The following SUFU variants were observed in gnomAD, a reference collection of about 807,000 sequenced individuals.
The protein encoded by SUFU is suppressor of fused homolog.
In SUFU, 7 loss-of-function variants were observed where a neutral mutation model predicts 58.9. That is an observed-to-expected ratio of 0.12 (90% CI 0.07 to 0.22). The LOEUF is 0.22. SUFU is among the 10% of genes least tolerant of loss of function. SUFU has a pLI of 1.00. For synonymous variants in SUFU, 232 were observed against 254.8 expected, an observed-to-expected ratio of 0.91 and a Z score of 0.85; for missense variants, 451 against 641.3, an observed-to-expected ratio of 0.70 and a Z score of 3.20.
At chr10:102,604,368 C>G (rs540987908) in intron 8 of SUFU, among the ~76,000 whole-genome samples, 1 of 152,230 alleles carries the variant, frequency 6.6e-6, no homozygotes, top group Non-Finnish European at 1.5e-5. Context: ...AGGGGCTCCA[C>G]AGCAAGTCTG....
intron 3 of SUFU, among the ~76,000 whole-genome samples, chr10:102,586,640 T>C (rs1034234763): frequency 7.2e-5 from 11 of 152,198 alleles, no homozygotes; most frequent in African/African-American, 2.7e-4. Context: ...GCCACCGCAC[T>C]CTAGCCTGGG....
chr10:102,614,602 G>C (rs775034828), intron 8 of SUFU, among the ~76,000 whole-genome samples: 14 of 141,688 alleles, frequency 9.9e-5, no homozygotes, highest in Non-Finnish European at 1.4e-4. Flanking sequence ...AAGGCTGGGT[G>C]CAGTGGCTCA....
At chr10:102,507,294 G>A (rs1316670977) in intron 1 of SUFU, among the ~76,000 whole-genome samples, 1 of 152,204 alleles carries the variant, frequency 6.6e-6, no homozygotes. Flanking sequence ...TTGCAGCTTG[G>A]TGCAGGATGG....
intron 2 of SUFU, among the ~76,000 whole-genome samples, chr10:102,546,712 T>A (rs1042150125): frequency 1.3e-5 from 2 of 152,274 alleles, no homozygotes; most frequent in Admixed American, 6.5e-5. Flanking sequence ...TCTGACAGAC[T>A]TCAGGTCGTG....
chr10:102,504,088 C>T lies in SUFU; in HGVS notation c.-65C>T. On this transcript the variant is annotated 5_prime_UTR_variant, in exon 1 of 12. Transcript: ENST00000369902. Reference sequence around the variant, plus strand: ...CTCACCCACCGAGTCCGCCCGCTGGCCCGTCAGTGCTCTCCCCGTCGTTTG... The same window carrying T: ...CTCACCCACCGAGTCCGCCCGCTGGTCCGTCAGTGCTCTCCCCGTCGTTTG... 6.7e-7 allele frequency: 1 copy of T among 1,489,926 alleles called. No homozygotes were observed. The highest frequency in any genetic ancestry group is 8.9e-7 in the Non-Finnish European group (1 of 1,125,276). The allele number at this position is 1,489,926 out of a possible 1,614,324, so 92.3% of individuals were successfully genotyped here. A position where few individuals can be genotyped will look rare whatever the true frequency, so the allele number is the denominator to read the frequency against.
chr10:102,510,901 A>T (rs2062393013), intron 2 of SUFU, among the ~76,000 whole-genome samples: 1 of 152,020 alleles, frequency 6.6e-6, no homozygotes, highest in Non-Finnish European at 1.5e-5. Flanking sequence ...CAGGCGGATC[A>T]CCTGAGGTTG....
chr10:102,555,545 C>T (rs1320536108), intron 3 of SUFU, among the ~76,000 whole-genome samples: 1 of 152,068 alleles, frequency 6.6e-6, no homozygotes, highest in Non-Finnish European at 1.5e-5. Flanking sequence ...AGGTGTGGCT[C>T]CTTGGTTTTT....
At position 102,517,278 on chromosome 10, in the gene SUFU, ACT is replaced by A. The variant is rs969934108; in HGVS notation, c.317+7978_317+7979del. On this transcript the variant is annotated intron_variant, in intron 2 of 11. Transcript: ENST00000369902. ...ACTCCAGTCTGGGTTAAGGAGTGAG[ACT>A]CTGTCCAAAAAAACAAAACAAAGCA... is the stretch of plus-strand genomic sequence containing the variant. Among the ~76,000 whole-genome samples, 15 of 152,064 alleles carry A rather than the reference ACT, an allele frequency of 9.9e-5. 1 individual carries two copies. Among genetic ancestry groups the A allele is most frequent in the African/African-American group, 2.7e-4 (11 of 41,404 alleles).
intron 3 of SUFU, among the ~76,000 whole-genome samples, chr10:102,582,165 C>T (rs1478164053): frequency 6.6e-6 from 1 of 152,224 alleles, no homozygotes; most frequent in Non-Finnish European, 1.5e-5. Flanking sequence ...CCAAAGGGAA[C>T]ATTAGTCCCC....
rs530508531 is a variant in SUFU, at chr10:102,523,579, G to A, written c.317+14276G>A. Among the ~76,000 whole-genome samples the A allele has an allele frequency of 5.4e-4, 83 of 152,304 alleles. No individual in the cohort carries two copies. The South Asian group carries it at 0.017, about 31-fold the overall frequency. ...AGTGAAAACCTACAGGCAACACCAT[G>A]GCTTGCCCTAACCCTCTCGTCTTCC... is the stretch of plus-strand genomic sequence containing the variant. On this transcript the variant is annotated intron_variant, in intron 2 of 11. Coordinates refer to ENST00000369902, the MANE Select transcript of SUFU (RefSeq NM_016169.4).
At chr10:102,623,439 C>T (rs779597936) in intron 10 of SUFU, among the ~76,000 whole-genome samples, 8 of 152,172 alleles carry the variant, frequency 5.3e-5, no homozygotes, top group Non-Finnish European at 8.8e-5. Flanking sequence ...TTAAGTTGAG[C>T]AGGTGGCCAG....
At chr10:102,505,567 C>T (rs968206216) in intron 1 of SUFU, among the ~76,000 whole-genome samples, 4 of 152,236 alleles carry the variant, frequency 2.6e-5, no homozygotes, top group African/African-American at 9.6e-5. Context: ...AAACCTGTTG[C>T]TTCCCCTGGA....
At chr10:102,589,728 G>A (rs573759971) in intron 3 of SUFU, among the ~76,000 whole-genome samples, 2 of 152,170 alleles carry the variant, frequency 1.3e-5, no homozygotes, top group African/African-American at 4.8e-5. Context: ...TTAGAGGCGT[G>A]AGCCACCACA....
At position 102,599,467 on chromosome 10, in the gene SUFU, A is replaced by G; in HGVS notation, c.945A>G (p.Gly315=). 2 of 1,614,008 alleles carry G rather than the reference A, an allele frequency of 1.2e-6. No individual in the cohort carries two copies. The highest frequency in any genetic ancestry group is 1.7e-6 in the Non-Finnish European group (2 of 1,179,980). Residue 315 remains glycine (G), a synonymous_variant, in exon 8 of 12, where the codon GGA becomes GGG. Coordinates refer to ENST00000369902, the MANE Select transcript of SUFU (RefSeq NM_016169.4). Reference sequence around the variant, plus strand: ...AGATCCGGGAGACCCTGAGGAGAGGACTCGAGATCAACAGCAAACCTGTCC... The same window carrying G: ...AGATCCGGGAGACCCTGAGGAGAGGGCTCGAGATCAACAGCAAACCTGTCC... ...TEQIRETLRR[G]LEINSKPVLP...
chr10:102,572,151 C>T (rs1188471182), intron 3 of SUFU, among the ~76,000 whole-genome samples: 3 of 151,984 alleles, frequency 2.0e-5, no homozygotes, highest in South Asian at 2.1e-4. Context: ...TTGCAAACTC[C>T]GCCTCCCAGG....
intron 2 of SUFU, among the ~76,000 whole-genome samples, chr10:102,522,238 A>G (rs372379235): frequency 6.6e-6 from 1 of 152,220 alleles, no homozygotes; most frequent in East Asian, 1.9e-4. Flanking sequence ...GACGTCTCAC[A>G]GCAGTGAAGA....
chr10:102,504,094 A>G lies in SUFU; in HGVS notation c.-59A>G, dbSNP rs1393763731. ...CACCGAGTCCGCCCGCTGGCCCGTCAGTGCTCTCCCCGTCGTTTGCCCTCT... is the reference window on the plus strand; with the variant it reads ...CACCGAGTCCGCCCGCTGGCCCGTCGGTGCTCTCCCCGTCGTTTGCCCTCT... On this transcript the variant is annotated 5_prime_UTR_variant, in exon 1 of 12. Transcript: ENST00000369902. 4.7e-6 allele frequency: 7 copies of G among 1,495,102 alleles called. No homozygotes were observed. In the East Asian group the frequency reaches 1.7e-4, roughly 37 times the overall value. 92.6% of individuals were successfully genotyped at this position (1,495,102 alleles called of 1,614,324 possible). A position where few individuals can be genotyped will look rare whatever the true frequency, so the allele number is the denominator to read the frequency against.
chr10:102,591,577 G>C (rs1184146956), intron 3 of SUFU: 1 of 151,682 alleles, frequency 6.6e-6, no homozygotes, highest in Admixed American at 6.6e-5. Context: ...GAGAAGATTA[G>C]TATGGCCCCT....
At chr10:102,587,695 T>C (rs1194785915) in intron 3 of SUFU, among the ~76,000 whole-genome samples, 1 of 152,146 alleles carries the variant, frequency 6.6e-6, no homozygotes, top group East Asian at 1.9e-4. Context: ...GGTTTCACCA[T>C]GTTGGCCAGG....
Sources: allele counts gnomAD v4.1 joint callset (sites outside exome capture counted in the v4.1 genomes callset), GRCh38; gene constraint gnomAD v4.1.1; transcripts MANE v1.5; gene names NCBI Gene and HGNC (gene_info 2026-07-23, HGNC 2026-07-21).